HIVEP2: variants seen among roughly 807,000 people sequenced by gnomAD.
The protein encoded by HIVEP2 is HIVEP zinc finger 2.
Under a neutral mutation model 180.7 loss-of-function variants are expected in HIVEP2, and 14 were observed. The observed-to-expected ratio is 0.08, with a 90% CI of 0.05 to 0.12. The LOEUF is 0.12. Among genes scored for constraint, HIVEP2 ranks in the 10% least tolerant of loss-of-function variants. The pLI, the probability that HIVEP2 is intolerant of heterozygous loss-of-function variation, is 1.00. For missense variants in HIVEP2, 2,579 were observed against 3,008.5 expected (o/e 0.86, Z 3.34); for synonymous variants, 1,184 against 1,136.4 (o/e 1.04, Z -0.84).
intron 1 of HIVEP2, among the ~76,000 whole-genome samples, chr6:142,866,743 C>A (rs990334743): frequency 1.3e-5 from 2 of 152,088 alleles, no homozygotes; most frequent in African/African-American, 2.4e-5. Flanking sequence ...TCTTTGAGGT[C>A]GGTCTCTCCC....
At chr6:142,842,351 T>C (rs1290519854) in intron 1 of HIVEP2, among the ~76,000 whole-genome samples, 2 of 152,208 alleles carry the variant, frequency 1.3e-5, no homozygotes, top group Admixed American at 1.3e-4. Context: ...GTTATCTTCC[T>C]TGATTTCACA....
chr6:142,907,598 C>T (rs1429853581), intron 1 of HIVEP2, among the ~76,000 whole-genome samples: 1 of 152,222 alleles, frequency 6.6e-6, no homozygotes, highest in Non-Finnish European at 1.5e-5. Context: ...TACTTTGCCT[C>T]TACCCTACTC....
intron 2 of HIVEP2, among the ~76,000 whole-genome samples, chr6:142,827,562 A>G (rs1311163147): frequency 1.3e-5 from 2 of 152,186 alleles, no homozygotes; most frequent in Non-Finnish European, 2.9e-5. Flanking sequence ...ATTGTTCTCC[A>G]TGGAAATCTC....
At chr6:142,888,210 G>T (rs1289743336) in intron 1 of HIVEP2, among the ~76,000 whole-genome samples, 2 of 152,106 alleles carry the variant, frequency 1.3e-5, no homozygotes, top group African/African-American at 4.8e-5. Context: ...GTTTTGTTTT[G>T]TTTTGTTGTA....
At chr6:142,877,352 G>A (rs1285313219) in intron 1 of HIVEP2, among the ~76,000 whole-genome samples, 1 of 151,950 alleles carries the variant, frequency 6.6e-6, no homozygotes, top group African/African-American at 2.4e-5. Flanking sequence ...AAGAAAATAT[G>A]GCCACAATAT....
intron 1 of HIVEP2, among the ~76,000 whole-genome samples, chr6:142,910,527 G>C (rs1395278226): frequency 6.6e-6 from 1 of 152,188 alleles, no homozygotes; most frequent in Non-Finnish European, 1.5e-5. Context: ...GTTTGAACCC[G>C]GCAGGCAGAG....
At chr6:142,925,519 A>T (rs1281194105) in intron 1 of HIVEP2, among the ~76,000 whole-genome samples, 1 of 152,240 alleles carries the variant, frequency 6.6e-6, no homozygotes, top group African/African-American at 2.4e-5. Context: ...TGTCAAGGAA[A>T]AAGGGAAAAG....
intron 2 of HIVEP2, among the ~76,000 whole-genome samples, chr6:142,823,365 G>C (rs2328387): frequency 0.82 from 125,497 of 152,194 alleles, 52,234 homozygotes; most frequent in Non-Finnish European, 0.86. Context: ...TTTAAGCCCC[G>C]AGGGAAATGC....
Position 142,760,558 on chromosome 6 carries a change from A to G in HIVEP2, c.5730T>C (p.Asp1910=), listed in dbSNP as rs1390930504. 6.2e-7 allele frequency: 1 copy of G among 1,613,736 alleles called. No individual in the cohort carries two copies. The highest frequency in any genetic ancestry group is 1.7e-5 in the Admixed American group (1 of 60,000). ...CTTCATCTTCATCATCATCATCATTATCATCTCCATCCTCACCATCTGATT... is the reference window on the plus strand; with the variant it reads ...CTTCATCTTCATCATCATCATCATTGTCATCTCCATCCTCACCATCTGATT... The part of the protein sequence containing the change: ...AEESDGEDGD[D]NDDDDEDEDD... Residue 1910 remains aspartate (D), a synonymous_variant, in exon 9 of 10, where the codon GAT becomes GAC. Coordinates refer to ENST00000367603, the MANE Select transcript of HIVEP2 (RefSeq NM_006734.4).
At chr6:142,934,673 G>A (rs1778011846) in intron 1 of HIVEP2, among the ~76,000 whole-genome samples, 1 of 152,168 alleles carries the variant, frequency 6.6e-6, no homozygotes, top group Non-Finnish European at 1.5e-5. Flanking sequence ...ACTATTCCAT[G>A]GATAATTAGA....
chr6:142,865,626 C>A (rs77474497), intron 1 of HIVEP2, among the ~76,000 whole-genome samples: 1 of 151,958 alleles, frequency 6.6e-6, no homozygotes, highest in African/African-American at 2.4e-5. Flanking sequence ...ATTTTAATTA[C>A]TTTTTTAATG....
intron 2 of HIVEP2, among the ~76,000 whole-genome samples, chr6:142,786,672 A>C (rs1161042955): frequency 6.6e-6 from 1 of 152,248 alleles, no homozygotes; most frequent in African/African-American, 2.4e-5. Flanking sequence ...GCTAAGCAAG[A>C]GTCAAGCTAC....
chr6:142,763,513 T>C (rs1416574454), intron 7 of HIVEP2, among the ~76,000 whole-genome samples: 1 of 152,232 alleles, frequency 6.6e-6, no homozygotes, highest in African/African-American at 2.4e-5. Context: ...GAGATGATGA[T>C]TCAGAGGCAG....
At position 142,811,464 on chromosome 6, in the gene HIVEP2, T is replaced by C. The variant is rs146074086; in HGVS notation, c.-528+25471A>G. Among the ~76,000 whole-genome samples, 433 of 152,310 alleles carry C rather than the reference T, an allele frequency of 2.8e-3. 2 individuals are homozygous for C. The highest frequency in any genetic ancestry group is 8.5e-3 in the African/African-American group (355 of 41,566). On this transcript the variant is annotated intron_variant, in intron 2 of 9. Transcript: ENST00000367603. The stretch of plus-strand genomic sequence containing the variant: ...ACATCTTCTAAACCCTATCATTTTG[T>C]GCAATGGCTAAAATTTCATGCATGT...
chr6:142,808,595 T>C (rs13215310), intron 2 of HIVEP2, among the ~76,000 whole-genome samples: 2,956 of 144,366 alleles, frequency 0.02, 43 homozygotes, highest in Middle Eastern at 0.048. Flanking sequence ...GATGGATAGA[T>C]GGAGGGATGG....
At chr6:142,757,219 G>A (rs980850989) in intron 9 of HIVEP2, among the ~76,000 whole-genome samples, 3 of 152,094 alleles carry the variant, frequency 2.0e-5, no homozygotes, top group East Asian at 1.9e-4. Flanking sequence ...TGCTTGGGAC[G>A]AACTGTCCCT....
At chr6:142,757,879 T>C (rs1376941203) in intron 9 of HIVEP2, among the ~76,000 whole-genome samples, 1 of 152,226 alleles carries the variant, frequency 6.6e-6, no homozygotes, top group East Asian at 1.9e-4. Flanking sequence ...ACAGCATGTT[T>C]GCGATAAAGG....
chr6:142,787,566 CAAAA>C (rs5880546), intron 2 of HIVEP2, among the ~76,000 whole-genome samples: 1 of 118,228 alleles, frequency 8.5e-6, no homozygotes. Context: ...TTCCTCTCTA[CAAAA>C]AAAAAAAAAA....
intron 1 of HIVEP2, among the ~76,000 whole-genome samples, chr6:142,937,612 T>C (rs1478013459): frequency 6.6e-6 from 1 of 152,180 alleles, no homozygotes; most frequent in Admixed American, 6.5e-5. Flanking sequence ...AGGGGAAACA[T>C]TGTGCTAAGT....
Sources: gnomAD v4.1 joint callset for allele counts (sites outside exome capture counted in the v4.1 genomes callset) on GRCh38, gnomAD v4.1.1 for gene constraint, MANE v1.5 for transcripts, NCBI Gene and HGNC (gene_info 2026-07-23, HGNC 2026-07-21) for gene names.